The following KLHL1 variants were observed in gnomAD, a reference collection of about 807,000 sequenced individuals.
KLHL1 encodes the protein kelch like family member 1.
A neutral mutation model predicts 77.7 loss-of-function variants in KLHL1; 47 were observed. That is an observed-to-expected ratio of 0.60 (90% CI 0.48 to 0.77). The LOEUF is 0.77. KLHL1 is among the 30% of genes least tolerant of loss of function. KLHL1 has a pLI of 0.00. For missense variants in KLHL1, 925 were observed against 910.8 expected (o/e 1.02, Z -0.20); for synonymous variants, 360 against 325.2 (o/e 1.11, Z -1.15).
intron 1 of KLHL1, among the ~76,000 whole-genome samples, chr13:70,061,346 T>G (rs1339065231): frequency 6.6e-6 from 1 of 152,136 alleles, no homozygotes; most frequent in East Asian, 1.9e-4. Flanking sequence ...TTCCATTTTT[T>G]TTTTTTCTGA....
chr13:69,966,340 C>A (rs527256985), intron 2 of KLHL1, among the ~76,000 whole-genome samples: 4 of 152,112 alleles, frequency 2.6e-5, no homozygotes, highest in Non-Finnish European at 5.9e-5. Flanking sequence ...TACGCTAATT[C>A]TACTCAGCCA....
At chr13:70,096,854 A>T (rs1346235185) in intron 1 of KLHL1, among the ~76,000 whole-genome samples, 2 of 152,020 alleles carry the variant, frequency 1.3e-5, no homozygotes, top group Admixed American at 1.3e-4. Context: ...TCTTCTCAGC[A>T]AAAGATAGTA....
At chr13:70,091,914 C>T (rs1483681431) in intron 1 of KLHL1, among the ~76,000 whole-genome samples, 1 of 151,792 alleles carries the variant, frequency 6.6e-6, no homozygotes, top group African/African-American at 2.4e-5. Context: ...CAACTGTTCC[C>T]TTCCTCTAGA....
intron 8 of KLHL1, among the ~76,000 whole-genome samples, 179 bp from the exon 9 acceptor site, chr13:69,719,760 A>AT (rs1436480832): frequency 6.6e-6 from 1 of 151,934 alleles, no homozygotes; most frequent in Non-Finnish European, 1.5e-5. Flanking sequence ...AGAAATTTCT[A>AT]TTTTTGTATA....
intron 7 of KLHL1, among the ~76,000 whole-genome samples, chr13:69,754,033 G>C (rs187575380): frequency 1.0e-3 from 155 of 151,756 alleles, no homozygotes; most frequent in African/African-American, 3.5e-3. Context: ...TAGAGATGGG[G>C]GTGTACCTTT....
intron 9 of KLHL1, among the ~76,000 whole-genome samples, chr13:69,715,103 A>G (rs1258245078): frequency 6.6e-6 from 1 of 152,148 alleles, no homozygotes. Context: ...CAAATCACAT[A>G]ACTAAATTGG....
intron 1 of KLHL1, among the ~76,000 whole-genome samples, chr13:69,994,554 T>C (rs2137317391): frequency 6.6e-6 from 1 of 152,254 alleles, no homozygotes; most frequent in South Asian, 2.1e-4. Context: ...AGTTCTGCAC[T>C]TACAAGATAT....
intron 1 of KLHL1, among the ~76,000 whole-genome samples, chr13:70,075,610 G>A (rs527393070): frequency 0.1 from 5,791 of 56,184 alleles, 394 homozygotes; most frequent in African/African-American, 0.24. Context: ...CATATATATA[G>A]GACTTACATA....
intron 3 of KLHL1, among the ~76,000 whole-genome samples, chr13:69,950,480 T>C (rs1883671870): frequency 6.6e-6 from 1 of 151,606 alleles, no homozygotes; most frequent in Admixed American, 6.6e-5. Flanking sequence ...ATCAACTCCA[T>C]AGATTTTTTC....
intron 7 of KLHL1, among the ~76,000 whole-genome samples, chr13:69,743,520 C>T (rs1208981976): frequency 1.3e-5 from 2 of 152,116 alleles, no homozygotes; most frequent in East Asian, 1.9e-4. Context: ...CGTGGTGGCT[C>T]ACGCCAGTAA....
intron 1 of KLHL1, among the ~76,000 whole-genome samples, chr13:70,023,965 C>T (rs1885868457): frequency 6.6e-6 from 1 of 151,668 alleles, no homozygotes; most frequent in Non-Finnish European, 1.5e-5. Flanking sequence ...TATAGTTTTT[C>T]CTTAGTAATT....
chr13:69,704,919 T>C (rs1875557321), intron 10 of KLHL1, among the ~76,000 whole-genome samples: 2 of 151,456 alleles, frequency 1.3e-5, no homozygotes, highest in South Asian at 4.1e-4. Context: ...ATATCTTATA[T>C]ATCTATTGTC....
At chr13:69,728,747 G>A (rs1873412521) in intron 8 of KLHL1, among the ~76,000 whole-genome samples, 3 of 150,688 alleles carry the variant, frequency 2.0e-5, no homozygotes, top group South Asian at 2.2e-4. Flanking sequence ...AGCAGAGGTT[G>A]TAGTGAGCTG....
chr13:69,780,578 T>C (rs1399416067), intron 7 of KLHL1, among the ~76,000 whole-genome samples: 4 of 146,592 alleles, frequency 2.7e-5, no homozygotes, highest in Non-Finnish European at 6.0e-5. Context: ...GATTGTATTA[T>C]GCTGATTTTT....
intron 4 of KLHL1, among the ~76,000 whole-genome samples, chr13:69,883,486 C>T (rs961505533): frequency 1.1e-4 from 17 of 152,206 alleles, no homozygotes; most frequent in Admixed American, 5.2e-4. Context: ...GACCTGGTCA[C>T]GCCTTCACTA....
intron 1 of KLHL1, among the ~76,000 whole-genome samples, chr13:70,013,628 T>TTA (rs139445129): frequency 0.084 from 12,753 of 152,196 alleles, 595 homozygotes; most frequent in Non-Finnish European, 0.11. Flanking sequence ...ACAAAATGAA[T>TTA]TATGTTTCCT....
chr13:69,711,078 C>A (rs1275530978), intron 9 of KLHL1, among the ~76,000 whole-genome samples: 1 of 151,942 alleles, frequency 6.6e-6, no homozygotes, highest in Non-Finnish European at 1.5e-5. Flanking sequence ...TTTTAAGAAA[C>A]CATTAATTTT....
intron 4 of KLHL1, among the ~76,000 whole-genome samples, chr13:69,927,921 A>G (rs537742881): frequency 9.3e-4 from 142 of 152,314 alleles, no homozygotes; most frequent in Non-Finnish European, 1.9e-3. Flanking sequence ...TGTTCACACA[A>G]TAACTTGTAT....
At chr13:69,746,601 T>A (rs989454159) in intron 7 of KLHL1, among the ~76,000 whole-genome samples, 3 of 151,892 alleles carry the variant, frequency 2.0e-5, no homozygotes, top group East Asian at 1.9e-4. Context: ...GTTTAATCAG[T>A]TTTTTTTCTC....
Sources: allele counts gnomAD v4.1 joint callset (sites outside exome capture counted in the v4.1 genomes callset), GRCh38; gene constraint gnomAD v4.1.1; transcripts MANE v1.5; gene names NCBI Gene and HGNC (gene_info 2026-07-23, HGNC 2026-07-21).